The following ST7 variants were observed in gnomAD, a reference collection of about 807,000 sequenced individuals.
The protein encoded by ST7 is suppression of tumorigenicity 7.
Under a neutral mutation model 78.7 loss-of-function variants are expected in ST7, and 28 were observed. That is an observed-to-expected ratio of 0.36 (90% CI 0.26 to 0.49). The LOEUF is 0.49. Among genes scored for constraint, ST7 ranks in the 20% least tolerant of loss-of-function variants. ST7 has a pLI of 0.99. For missense variants in ST7, 418 were observed against 696.0 expected (o/e 0.60, Z 4.49); for synonymous variants, 247 against 249.6 (o/e 0.99, Z 0.10).
At chr7:117,110,445 A>G (rs902447697) in intron 2 of ST7, among the ~76,000 whole-genome samples, 1 of 152,188 alleles carries the variant, frequency 6.6e-6, no homozygotes, top group African/African-American at 2.4e-5. Flanking sequence ...CAACAGGGTC[A>G]TTGCTAATGG....
At chr7:117,012,048 T>C (rs994568284) in intron 1 of ST7, among the ~76,000 whole-genome samples, 8 of 152,272 alleles carry the variant, frequency 5.3e-5, no homozygotes, top group Middle Eastern at 3.4e-3. Flanking sequence ...ACAGGTCCTT[T>C]TATGGTTGTA....
Position 117,155,830 on chromosome 7 carries a change from G to A in ST7, c.964-15032G>A, listed in dbSNP as rs141012180. On this transcript the variant is annotated intron_variant, in intron 9 of 15. Transcript: ENST00000323984. Reference sequence around the variant, plus strand: ...AAAGTGGCCTACAAGGCTGTCCACAGCCCAGCTGCTGTGTTCACTATGCTC... The same window carrying A: ...AAAGTGGCCTACAAGGCTGTCCACAACCCAGCTGCTGTGTTCACTATGCTC... Among the ~76,000 whole-genome samples the A allele has an allele frequency of 1.1e-4, 16 of 152,284 alleles. No individual in the cohort carries two copies. In the East Asian group the frequency reaches 2.9e-3, roughly 28 times the overall value.
At chr7:117,118,895 C>T (rs1803130846) in intron 2 of ST7, among the ~76,000 whole-genome samples, 1 of 152,172 alleles carries the variant, frequency 6.6e-6, no homozygotes, top group South Asian at 2.1e-4. Flanking sequence ...ATTCACAGTA[C>T]ATAACAATTA....
chr7:116,973,051 A>G, intron 1 of ST7: 2 of 655,566 alleles, frequency 3.1e-6, no homozygotes, highest in African/African-American at 1.8e-5. Flanking sequence ...TATTTATTTT[A>G]TACAGGTTAT....
chr7:117,196,163 T>C (rs1331264873), intron 12 of ST7, among the ~76,000 whole-genome samples: 1 of 152,244 alleles, frequency 6.6e-6, no homozygotes, highest in Admixed American at 6.5e-5. Flanking sequence ...TATCCACTCA[T>C]CTGTCCATGG....
chr7:116,973,966 G>A (rs1185224154), intron 1 of ST7, among the ~76,000 whole-genome samples: 1 of 152,114 alleles, frequency 6.6e-6, no homozygotes, highest in Non-Finnish European at 1.5e-5. Context: ...GATCAACTAG[G>A]GAAAGTTTGG....
chr7:116,983,680 G>C lies in ST7; in HGVS notation c.151+29989G>C, dbSNP rs76782276. ...ATCGATGCTGTCCTCACCTTGCTGA[G>C]TCTCAGTGCCGCTACCAACCCCCAC... On this transcript the variant is annotated intron_variant, in intron 1 of 15. Coordinates refer to ENST00000323984, the MANE Select transcript of ST7 (RefSeq NM_001369598.1). 9.1e-3 allele frequency among the ~76,000 whole-genome samples: 1,384 copies of C among 152,156 alleles called. 30 individuals carry two copies. The highest frequency in any genetic ancestry group is 0.032 in the African/African-American group (1,321 of 41,506).
At chr7:116,998,263 G>C (rs1794765062) in intron 1 of ST7, among the ~76,000 whole-genome samples, 1 of 152,334 alleles carries the variant, frequency 6.6e-6, no homozygotes, top group South Asian at 2.1e-4. Context: ...CACTGCCCTG[G>C]GCCGGCAGCG....
intron 1 of ST7, among the ~76,000 whole-genome samples, chr7:116,966,954 A>G (rs1447600442): frequency 6.6e-6 from 1 of 152,198 alleles, no homozygotes; most frequent in Admixed American, 6.5e-5. Context: ...GTAACAAATT[A>G]TCCAAAATAG....
At chr7:116,964,524 C>T (rs1017635650) in intron 1 of ST7, among the ~76,000 whole-genome samples, 1 of 151,872 alleles carries the variant, frequency 6.6e-6, no homozygotes, top group Non-Finnish European at 1.5e-5. Context: ...GGTTGGGGAG[C>T]GTGTGTATGT....
intron 1 of ST7, among the ~76,000 whole-genome samples, chr7:116,986,866 G>T (rs75405551): frequency 1.6e-4 from 25 of 152,260 alleles, no homozygotes; most frequent in Non-Finnish European, 3.2e-4. Context: ...TGCATGGTGG[G>T]GCTTTCCAAC....
At chr7:117,082,520 A>G (rs1022284850) in intron 1 of ST7, among the ~76,000 whole-genome samples, 10 of 152,238 alleles carry the variant, frequency 6.6e-5, no homozygotes, top group African/African-American at 2.2e-4. Context: ...TGGCAGCATC[A>G]TTGGGATACT....
chr7:117,221,092 G>T (rs1462354645), intron 14 of ST7, among the ~76,000 whole-genome samples: 1 of 152,040 alleles, frequency 6.6e-6, no homozygotes, highest in African/African-American at 2.4e-5. Context: ...CCGCCCCATC[G>T]ACCCAGGCAG....
At chr7:117,064,225 T>G (rs1798514868) in intron 1 of ST7, among the ~76,000 whole-genome samples, 1 of 152,190 alleles carries the variant, frequency 6.6e-6, no homozygotes, top group Non-Finnish European at 1.5e-5. Flanking sequence ...TAACATATTG[T>G]AAATAAACAT....
rs532241159 is a variant in ST7, at chr7:117,219,013, G to A, written c.1406-71G>A. 8.3e-5 allele frequency: 103 copies of A among 1,246,708 alleles called. No individual in the cohort carries two copies. Among genetic ancestry groups the A allele is most frequent in the Non-Finnish European group, 9.9e-5 (86 of 867,808 alleles). The allele number at this position is 1,246,708 out of a possible 1,614,324, so 77.2% of individuals were successfully genotyped here. A position where few individuals can be genotyped will look rare whatever the true frequency, so the allele number is the denominator to read the frequency against. Reference sequence around the variant, plus strand: ...TTCCCTGTTATAAAAATGCTCAAACGCCCCTTTTTGCAGTTGGGAAGTTAT... The same window carrying A: ...TTCCCTGTTATAAAAATGCTCAAACACCCCTTTTTGCAGTTGGGAAGTTAT... On this transcript the variant is annotated intron_variant, in intron 13 of 15. Coordinates refer to ENST00000323984, the MANE Select transcript of ST7 (RefSeq NM_001369598.1). This position sits in a 1 kb window ranked among gnomAD's most constrained non-coding sequence, Gnocchi z 5.1.
intron 1 of ST7, among the ~76,000 whole-genome samples, chr7:117,096,067 CAAAAAAAAAAAAAAAAA>C (rs35970973): frequency 1.7e-4 from 6 of 35,676 alleles, no homozygotes; most frequent in South Asian, 1.7e-3. Context: ...GATTCTGCCT[CAAAAAAAAAAAAAAAAA>C]AAAAAAAAAA....
intron 9 of ST7, among the ~76,000 whole-genome samples, chr7:117,161,492 A>T (rs1807140595): frequency 6.6e-6 from 1 of 151,688 alleles, no homozygotes; most frequent in African/African-American, 2.4e-5. Context: ...AAATAAAATA[A>T]TATAGATAAA....
chr7:117,197,352 T>C (rs1810413830), intron 12 of ST7, among the ~76,000 whole-genome samples: 1 of 152,238 alleles, frequency 6.6e-6, no homozygotes, highest in South Asian at 2.1e-4. Context: ...CCATGGTAGA[T>C]ATCAAATTGA....
intron 1 of ST7, among the ~76,000 whole-genome samples, chr7:117,009,176 G>A (rs1161594989): frequency 2.0e-5 from 3 of 150,814 alleles, no homozygotes; most frequent in Admixed American, 6.6e-5. Context: ...ATGGAAATTT[G>A]TGATCTTCTT....
Sources: gnomAD v4.1 joint callset for allele counts (sites outside exome capture counted in the v4.1 genomes callset) on GRCh38, gnomAD v4.1.1 for gene constraint, Gnocchi (gnomAD v3.1) non-coding constraint, MANE v1.5 for transcripts, NCBI Gene and HGNC (gene_info 2026-07-23, HGNC 2026-07-21) for gene names.